Variants in MSI2 observed in about 807,000 individuals in gnomAD.
The protein encoded by MSI2 is musashi RNA binding protein 2, also known as RNA-binding protein Musashi homolog 2.
Under a neutral mutation model 45.6 loss-of-function variants are expected in MSI2, and 17 were observed. That is an observed-to-expected ratio of 0.37 (90% CI 0.26 to 0.56). The LOEUF (loss-of-function observed/expected upper bound fraction) is 0.56, where lower values mean the gene tolerates loss of function less well. Among genes scored for constraint, MSI2 ranks in the 20% least tolerant of loss-of-function variants. MSI2 has a pLI of 0.77. For synonymous variants in MSI2, 156 were observed against 158.2 expected, an observed-to-expected ratio of 0.99 and a Z score of 0.11; for missense variants, 293 against 444.2, an observed-to-expected ratio of 0.66 and a Z score of 3.06.
At chr17:57,525,275 G>C (rs60641168) in intron 6 of MSI2, among the ~76,000 whole-genome samples, 35,341 of 151,700 alleles carry the variant, frequency 0.23, 4,526 homozygotes, top group African/African-American at 0.35. Context: ...GCTTTTTTGG[G>C]GGGGGCAGGT....
chr17:57,616,281 ATG>A (rs141665856), intron 9 of MSI2, 197 bp downstream of exon 9: 43,493 of 448,452 alleles, frequency 0.097, 883 homozygotes, highest in East Asian at 0.18. Flanking sequence ...GTGTGCATGC[ATG>A]TGTGTGTGTG....
chr17:57,457,395 A>T (rs2085136218), intron 6 of MSI2, among the ~76,000 whole-genome samples: 1 of 152,206 alleles, frequency 6.6e-6, no homozygotes, highest in African/African-American at 2.4e-5. Flanking sequence ...TAAATGCAGG[A>T]CTTCTCAGAG....
At chr17:57,435,721 C>G (rs1417252912) in intron 6 of MSI2, among the ~76,000 whole-genome samples, 1 of 152,222 alleles carries the variant, frequency 6.6e-6, no homozygotes, top group Non-Finnish European at 1.5e-5. Flanking sequence ...GCTATGCTGT[C>G]TCACGTAAGT....
chr17:57,629,667 G>A (rs968132038), intron 10 of MSI2: 6 of 152,358 alleles, frequency 3.9e-5, no homozygotes, highest in Admixed American at 3.3e-4. Context: ...ACTCCTTCCT[G>A]GAGACACCCA....
chr17:57,306,441 G>A (rs532918673), intron 5 of MSI2, among the ~76,000 whole-genome samples: 4 of 152,142 alleles, frequency 2.6e-5, no homozygotes, highest in Non-Finnish European at 5.9e-5. Flanking sequence ...CCTTTATGTT[G>A]GCTTCCTTTG....
At chr17:57,417,899 C>T (rs1043812715) in intron 6 of MSI2, among the ~76,000 whole-genome samples, 26 of 152,132 alleles carry the variant, frequency 1.7e-4, no homozygotes, top group African/African-American at 5.8e-4. Context: ...TGTAAAGAGG[C>T]AATAAAAAGA....
intron 7 of MSI2, among the ~76,000 whole-genome samples, chr17:57,564,197 GAGTGCAGCAGTAATTA>G (rs2087669941): frequency 6.6e-6 from 1 of 152,182 alleles, no homozygotes; most frequent in Non-Finnish European, 1.5e-5. Flanking sequence ...GGCTGGGTTT[GAGTGCAGCAGTAATTA>G]AGAATTGCCC....
At chr17:57,664,409 T>C (rs966338325) in intron 11 of MSI2, among the ~76,000 whole-genome samples, 2 of 152,010 alleles carry the variant, frequency 1.3e-5, no homozygotes, top group Non-Finnish European at 2.9e-5. Flanking sequence ...TCTCAGCTAC[T>C]GGGGAGACTG....
At chr17:57,464,021 A>G (rs7501681) in intron 6 of MSI2, among the ~76,000 whole-genome samples, 3,051 of 50,882 alleles carry the variant, frequency 0.06, 122 homozygotes, top group Admixed American at 0.25. Context: ...GTGTGTGTGT[A>G]TGTGTGTGTG....
At chr17:57,688,371 C>T (rs1291984914), downstream of MSI2, among the ~76,000 whole-genome samples, 14 of 152,014 alleles carry the variant, frequency 9.2e-5, no homozygotes, top group Admixed American at 9.2e-4. Context: ...CTCCTCCTCT[C>T]CAGTAGTAAG....
chr17:57,478,287 C>T (rs1455441566), intron 6 of MSI2, among the ~76,000 whole-genome samples: 1 of 152,216 alleles, frequency 6.6e-6, no homozygotes, highest in Non-Finnish European at 1.5e-5. Flanking sequence ...ATCGATGGCA[C>T]CTAGTGGGCC....
At chr17:57,442,440 T>C (rs1326151657) in intron 6 of MSI2, among the ~76,000 whole-genome samples, 1 of 152,184 alleles carries the variant, frequency 6.6e-6, no homozygotes, top group Non-Finnish European at 1.5e-5. Context: ...ATTCAGAACT[T>C]GGAGAGGTTT....
rs187476803 is a variant in MSI2, at chr17:57,288,927, C to T, written c.312+26735C>T. Among the ~76,000 whole-genome samples, 35 of 152,236 alleles carry T rather than the reference C, an allele frequency of 2.3e-4. No homozygotes were observed. In the East Asian group the frequency reaches 6.6e-3, roughly 29 times the overall value. On this transcript the variant is annotated intron_variant, in intron 5 of 13. Coordinates refer to ENST00000284073, the MANE Select transcript of MSI2 (RefSeq NM_138962.4). ...TACCCACTAGATGCCAGTAGCAATC[C>T]CTCCCTGGTTGTGACAGCTAGCAAT...
At chr17:57,301,686 G>A (rs1286494510) in intron 5 of MSI2, among the ~76,000 whole-genome samples, 1 of 152,018 alleles carries the variant, frequency 6.6e-6, no homozygotes, top group Admixed American at 6.6e-5. Context: ...TGAATGAATG[G>A]GCCACCCCTT....
downstream of MSI2, among the ~76,000 whole-genome samples, chr17:57,688,288 A>C (rs1302594887): frequency 1.3e-5 from 2 of 152,118 alleles, no homozygotes; most frequent in Non-Finnish European, 2.9e-5. Context: ...AATACAGAAA[A>C]ATTGCTACTA....
the MSI2 span, among the ~76,000 whole-genome samples, chr17:57,700,850 C>T: frequency 4.0e-5 from 6 of 150,936 alleles, no homozygotes; most frequent in Non-Finnish European, 8.9e-5. Flanking sequence ...TGCAGTGAGC[C>T]GAGATCATAC....
chr17:57,316,124 G>C (rs892243080), intron 5 of MSI2, among the ~76,000 whole-genome samples: 2 of 151,928 alleles, frequency 1.3e-5, no homozygotes, highest in African/African-American at 2.4e-5. Context: ...ATACAACCAG[G>C]TGCCCTCTTG....
chr17:57,474,370 C>G (rs1442129491), intron 6 of MSI2, among the ~76,000 whole-genome samples: 1 of 152,130 alleles, frequency 6.6e-6, no homozygotes, highest in East Asian at 1.9e-4. Flanking sequence ...CAGAGCTGTT[C>G]AACTCATGCA....
intron 11 of MSI2, among the ~76,000 whole-genome samples, chr17:57,661,161 T>A (rs1911961315): frequency 6.6e-6 from 1 of 152,178 alleles, no homozygotes; most frequent in Non-Finnish European, 1.5e-5. Flanking sequence ...TGCTAGGGGC[T>A]GGGGTGGGCT....
Sources: allele counts gnomAD v4.1 joint callset (sites outside exome capture counted in the v4.1 genomes callset), GRCh38; gene constraint gnomAD v4.1.1; transcripts MANE v1.5; gene names NCBI Gene and HGNC (gene_info 2026-07-23, HGNC 2026-07-21).